CCDC144A: variants seen among roughly 807,000 people sequenced by gnomAD.
CCDC144A encodes the protein coiled-coil domain-containing protein 144A.
A neutral mutation model predicts 143.8 loss-of-function variants in CCDC144A; 41 were observed. The observed-to-expected ratio is 0.29, with a 90% CI of 0.22 to 0.37. The LOEUF is 0.37. CCDC144A is among the 10% of genes least tolerant of loss of function. The probability of loss-of-function intolerance (pLI) is 1.00; values close to 1 mark genes in which losing one functional copy is unlikely to be tolerated. For missense variants in CCDC144A, 637 were observed against 1,488.8 expected, an observed-to-expected ratio of 0.43 and a Z score of 9.41; for synonymous variants, 242 against 517.9, an observed-to-expected ratio of 0.47 and a Z score of 7.23.
intron 12 of CCDC144A, among the ~76,000 whole-genome samples, chr17:16,742,114 C>T (rs1479747988): frequency 6.6e-6 from 1 of 151,812 alleles, no homozygotes; most frequent in East Asian, 1.9e-4. Flanking sequence ...AATTAGTTAA[C>T]CATATTCACC....
At chr17:16,746,879 T>TTC (rs1187509739) in intron 12 of CCDC144A, 1 of 674,562 alleles carries the variant, frequency 1.5e-6, no homozygotes, top group East Asian at 2.8e-5. Context: ...CTTCTCTCCC[T>TTC]TCTCTCCCTC....
chr17:16,667,363 C>CGGCTGAGGAGCTGAGG, the CCDC144A span, among the ~76,000 whole-genome samples: 1 of 126,842 alleles, frequency 7.9e-6, no homozygotes, highest in South Asian at 2.4e-4. Flanking sequence ...GGGGCTGAGG[C>CGGCTGAGGAGCTGAGG]GGCTGAGGGG....
chr17:16,679,493 C>T, the CCDC144A span, among the ~76,000 whole-genome samples: 6 of 151,474 alleles, frequency 4.0e-5, no homozygotes, highest in East Asian at 1.9e-4. Context: ...CCTCAATTCT[C>T]GGTAAATGAG....
chr17:16,767,777 T>C (rs1915668176), intron 15 of CCDC144A, among the ~76,000 whole-genome samples: 1 of 152,190 alleles, frequency 6.6e-6, no homozygotes, highest in Non-Finnish European at 1.5e-5. Flanking sequence ...AGAAATAATA[T>C]ATTATAACTG....
At chr17:16,732,923 A>T (rs567964389) in intron 11 of CCDC144A, among the ~76,000 whole-genome samples, 1 of 151,496 alleles carries the variant, frequency 6.6e-6, no homozygotes, top group Admixed American at 6.6e-5. Flanking sequence ...AAGGAGAAAC[A>T]TTTGTTATTT....
intron 12 of CCDC144A, among the ~76,000 whole-genome samples, chr17:16,756,863 A>G (rs1169496496): frequency 2.0e-5 from 3 of 152,130 alleles, no homozygotes; most frequent in Non-Finnish European, 4.4e-5. Context: ...TGGCCTCCAT[A>G]TACTTATGCT....
At position 16,734,890 on chromosome 17, in the gene CCDC144A, A is replaced by T. The variant is rs1436690567; in HGVS notation, c.2619A>T (p.Thr873=). The T allele has an allele frequency of 3.2e-6, 5 of 1,571,852 alleles. No homozygotes were observed. The highest frequency in any genetic ancestry group is 4.3e-6 in the Non-Finnish European group (5 of 1,160,582). Reference sequence around the variant, plus strand: ...AAATTATAAAACTAAATGAGGAAACATTAACAGAAACAATACTCCAGTACA... The same window carrying T: ...AAATTATAAAACTAAATGAGGAAACTTTAACAGAAACAATACTCCAGTACA... ...LQKIIKLNEE[T]LTETILQYSG... is the part of the protein sequence containing the mutation. The change falls in exon 12 of 17, where the codon ACA becomes ACT. Residue 873 remains threonine, a synonymous_variant. Coordinates refer to ENST00000399273, the MANE Select transcript of CCDC144A (RefSeq NM_001382000.1).
rs369332209 is a variant in CCDC144A at position 16,761,697 on chromosome 17, C to T, written c.3645C>T (p.Asn1215=). The T allele has an allele frequency of 1.1e-4, 177 of 1,608,926 alleles. No individual in the cohort carries two copies. In the African/African-American group the frequency reaches 1.2e-3, roughly 10 times the overall value. ...RARKEIEEKL[N]EAILTLQKQA... is the part of the protein sequence containing the mutation. The stretch of plus-strand genomic sequence containing the variant: ...GGAAGGAGATAGAAGAAAAATTAAA[C>T]GAAGCCATTCTCACCTTGCAGGTTG... Residue 1215 remains asparagine, a synonymous_variant, in exon 13 of 17, where the codon AAC becomes AAT. Coordinates refer to ENST00000399273, the MANE Select transcript of CCDC144A (RefSeq NM_001382000.1).
chr17:16,670,439 G>C, the CCDC144A span, among the ~76,000 whole-genome samples: 46 of 150,224 alleles, frequency 3.1e-4, no homozygotes, highest in African/African-American at 1.0e-3. Context: ...ATAATCTTGT[G>C]TTTTTAGTAT....
At chr17:16,736,385 T>G in intron 12 of CCDC144A, among the ~76,000 whole-genome samples, 1 of 152,290 alleles carries the variant, frequency 6.6e-6, no homozygotes, top group Admixed American at 6.5e-5. Flanking sequence ...GTGCTGGGAT[T>G]AGAGGCATGA....
chr17:16,717,103 C>CTTTTTTTT (rs1195816990), intron 6 of CCDC144A, among the ~76,000 whole-genome samples: 4 of 126,532 alleles, frequency 3.2e-5, no homozygotes, highest in Non-Finnish European at 3.3e-5. Flanking sequence ...GCTCGGCCAG[C>CTTTTTTTT]TTTTTTTTTT....
chr17:16,750,784 G>A (rs1334825347), intron 12 of CCDC144A, among the ~76,000 whole-genome samples: 1 of 151,940 alleles, frequency 6.6e-6, no homozygotes, highest in Non-Finnish European at 1.5e-5. Context: ...TGACTCAAAA[G>A]ACTGGTCTTT....
At chr17:16,712,666 A>G (rs1342935332) in intron 6 of CCDC144A, among the ~76,000 whole-genome samples, 1 of 152,168 alleles carries the variant, frequency 6.6e-6, no homozygotes, top group African/African-American at 2.4e-5. Flanking sequence ...AAGGATATTT[A>G]TTATAGCATT....
chr17:16,736,235 C>CTTTTTT (rs71214289), intron 12 of CCDC144A, among the ~76,000 whole-genome samples: 21 of 98,170 alleles, frequency 2.1e-4, no homozygotes, highest in East Asian at 7.7e-4. Context: ...AAGGCATTTA[C>CTTTTTT]TTTTTTTTTT....
chr17:16,741,460 C>A (rs771482775), intron 12 of CCDC144A, among the ~76,000 whole-genome samples: 11 of 152,164 alleles, frequency 7.2e-5, no homozygotes, highest in Non-Finnish European at 1.5e-4. Context: ...GGGCTGGGGT[C>A]CAAGGGTGAG....
chr17:16,743,465 A>G (rs1914348240), intron 12 of CCDC144A, among the ~76,000 whole-genome samples: 1 of 152,052 alleles, frequency 6.6e-6, no homozygotes, highest in African/African-American at 2.4e-5. Flanking sequence ...TTTTATACCA[A>G]GACCTTGCTC....
intron 15 of CCDC144A, among the ~76,000 whole-genome samples, chr17:16,770,364 T>C: frequency 6.6e-6 from 1 of 152,216 alleles, no homozygotes; most frequent in Admixed American, 6.5e-5. Flanking sequence ...TTAGCCAGGA[T>C]GGTCTTGATC....
chr17:16,696,044 T>A (rs1325028152), intron 2 of CCDC144A, among the ~76,000 whole-genome samples: 1 of 152,152 alleles, frequency 6.6e-6, no homozygotes, highest in Non-Finnish European at 1.5e-5. Context: ...AGACAAAGTC[T>A]CACTCCGTCA....
rs1400631655 is a variant in CCDC144A at position 16,777,458 on chromosome 17, A to G, written c.*3825A>G. 6.8e-6 allele frequency: 1 copy of G among 148,016 alleles called. No individual in the cohort carries two copies. The highest frequency in any genetic ancestry group is 1.5e-5 in the Non-Finnish European group (1 of 66,562). 9.2% of individuals were successfully genotyped at this position (148,016 alleles called of 1,614,324 possible). On this transcript the variant is annotated 3_prime_UTR_variant, in exon 17 of 17. Coordinates refer to ENST00000399273, the MANE Select transcript of CCDC144A (RefSeq NM_001382000.1). ...CATTCTCCAAAATAGACCATATGAT[A>G]GGGCACAAAACAAGTCTCAGTAAAT... is the stretch of plus-strand genomic sequence containing the variant.
Sources: gnomAD v4.1 joint callset for allele counts (sites outside exome capture counted in the v4.1 genomes callset) on GRCh38, gnomAD v4.1.1 for gene constraint, MANE v1.5 for transcripts, NCBI Gene and HGNC (gene_info 2026-07-23, HGNC 2026-07-21) for gene names.